The following TTN variants were observed in gnomAD, a reference collection of about 807,000 sequenced individuals.
TTN encodes the protein titin, also known as connectin.
In TTN, 1,525 loss-of-function variants were observed where a neutral mutation model predicts 3,223.0. The ratio of observed to expected loss-of-function variants is 0.47; its 90% CI spans 0.45 to 0.49. TTN has a LOEUF of 0.49. Among genes scored for constraint, TTN ranks in the 20% least tolerant of loss-of-function variants. The pLI is 0.00. For missense variants in TTN, 40,786 were observed against 43,424.0 expected, an observed-to-expected ratio of 0.94 and a Z score of 5.40; for synonymous variants, 14,094 against 15,161.0, an observed-to-expected ratio of 0.93 and a Z score of 5.17.
intron 9 of TTN, 112 bp downstream of exon 9, chr2:178,793,292 G>A: frequency 6.9e-7 from 1 of 1,452,188 alleles, no homozygotes; most frequent in East Asian, 2.3e-5. Flanking sequence ...GATCTTATTA[G>A]TATGCTAACA....
Position 178,794,915 on chromosome 2 carries a change from A to C in TTN, c.1245+7T>G, listed in dbSNP as rs1320907558. 6.2e-7 allele frequency: 1 copy of C among 1,600,792 alleles called. No homozygotes were observed. Among genetic ancestry groups the C allele is most frequent in the Non-Finnish European group, 8.5e-7 (1 of 1,179,920 alleles). ...AATAAGGAAAAACAAAACCATTCTGACAGTACCTCTTTAGCACCAGTGGCA... is the reference window on the plus strand; with the variant it reads ...AATAAGGAAAAACAAAACCATTCTGCCAGTACCTCTTTAGCACCAGTGGCA... On this transcript the variant is annotated splice_region_variant and intron_variant, in intron 7 of 362. Coordinates refer to ENST00000589042, the MANE Select transcript of TTN (RefSeq NM_001267550.2).
chr2:178,588,628 CA>C lies in TTN; in HGVS notation c.63096del (p.His21032GlnfsTer31). 6.3e-7 allele frequency: 1 copy of C among 1,597,936 alleles called. No individual in the cohort carries two copies. Among genetic ancestry groups the C allele is most frequent in the South Asian group, 1.1e-5 (1 of 87,518 alleles). On this transcript the variant is annotated frameshift_variant, in exon 304 of 363. Coordinates refer to ENST00000589042, the MANE Select transcript of TTN (RefSeq NM_001267550.2). LOFTEE classifies it high-confidence loss of function. ...RMKVQNLLPD[H>X]EYQFRVKAEN... is the part of the protein sequence containing the mutation. ...TCTGCCTTGACACGGAACTGATATT[CA>C]TGGTCTGGGAGGAGATTCTGTACTT...
In TTN at chr2:178,528,718, A is replaced by T. The variant is rs1558969484; in HGVS notation, c.107033T>A (p.Ile35678Lys). The T allele has an allele frequency of 2.5e-6, 4 of 1,613,606 alleles. No homozygotes were observed. The highest frequency in any genetic ancestry group is 3.4e-6 in the Non-Finnish European group (4 of 1,179,726). The change falls in exon 360 of 363, where the codon ATA becomes AAA. Residue 35678 changes from isoleucine (I) to lysine (K), a missense_variant. Ile to Lys is a moderately radical substitution (Grantham distance 102, BLOSUM62 -3). Coordinates refer to ENST00000589042, the MANE Select transcript of TTN (RefSeq NM_001267550.2). ...SHRDEGILTC[I>K]SKTKEGIVKC... Reference sequence around the variant, plus strand: ...GACGATTCCTTCCTTGGTTTTGCTTATGCAGGTGAGGATTCCTTCATCTCT... The same window carrying T: ...GACGATTCCTTCCTTGGTTTTGCTTTTGCAGGTGAGGATTCCTTCATCTCT...
At chr2:178,770,898 T>C (rs1252326191) in intron 34 of TTN, 3 of 812,620 alleles carry the variant, frequency 3.7e-6, no homozygotes, top group African/African-American at 1.7e-5. Flanking sequence ...GCTTTAGTAG[T>C]ATGAAGTTTG....
chr2:178,632,695 T>C lies in TTN; in HGVS notation c.43311A>G (p.Thr14437=). The change falls in exon 235 of 363, where the codon ACA becomes ACG. Residue 14437 remains threonine, a synonymous_variant. Coordinates refer to ENST00000589042, the MANE Select transcript of TTN (RefSeq NM_001267550.2). ...FECEVSREPK[T]FRWLKGTQEI... The stretch of plus-strand genomic sequence containing the variant: ...CCTGGGTTCCTTTTAGCCAACGGAA[T>C]GTTTTGGGCTCCCTGGATACTTCAC... The C allele has an allele frequency of 6.2e-7, 1 of 1,613,396 alleles. No individual in the cohort carries two copies. The highest frequency in any genetic ancestry group is 8.5e-7 in the Non-Finnish European group (1 of 1,179,540).
At position 178,532,610 on chromosome 2, in the gene TTN, C is replaced by T. The variant is rs1430662349; in HGVS notation, c.104005G>A (p.Asp34669Asn). ...SDEELLLPID[D>N]YLAMKRTEEE... ...TCTGTTCTTTTCATTGCTAAGTAGT[C>T]ATCAATGGGGAGGAGTAATTCTTCA... Residue 34669 changes from aspartate (D) to asparagine (N), a missense_variant, in exon 358 of 363, where the codon GAC (aspartate) becomes AAC (asparagine). Physicochemically the swap from Asp to Asn is conservative, Grantham distance 23. Transcript: ENST00000589042. The T allele has an allele frequency of 6.2e-6, 10 of 1,613,786 alleles. No individual in the cohort carries two copies. The highest frequency in any genetic ancestry group is 8.5e-6 in the Non-Finnish European group (10 of 1,179,854).
intron 1 of TTN, among the ~76,000 whole-genome samples, chr2:178,806,540 T>G (rs937879784): frequency 3.9e-5 from 6 of 152,222 alleles, no homozygotes; most frequent in Non-Finnish European, 2.9e-5. Context: ...AACAATTATA[T>G]CATTTTATTC....
At chr2:178,698,810 G>A (rs1577602708) in intron 112 of TTN, 33 bp downstream of exon 112, 1 of 1,527,484 alleles carries the variant, frequency 6.5e-7, no homozygotes, top group South Asian at 1.3e-5. Flanking sequence ...CAAGAAAAAA[G>A]TGTTAAGACT....
At chr2:178,725,734 T>C (rs1347968339) in intron 70 of TTN, 34 bp downstream of exon 70, 2 of 1,556,146 alleles carry the variant, frequency 1.3e-6, no homozygotes, top group Non-Finnish European at 1.7e-6. Context: ...TGCACATTTA[T>C]GACATTTCTG....
chr2:178,621,728 G>A lies in TTN; in HGVS notation c.45096C>T (p.Val15032=). ...CAATGTTGGCAAGATTTTTGGTAAA[G>A]ACAGCTTCTTCTTCTGCAAGCATTG... is the stretch of plus-strand genomic sequence containing the variant. ...GMLTVLEEEA[V]FTKNLANIEV... Residue 15032 remains valine (V), a synonymous_variant, in exon 245 of 363, where the codon GTC becomes GTT. Transcript: ENST00000589042. 6.2e-7 allele frequency: 1 copy of A among 1,611,150 alleles called. No individual in the cohort carries two copies. The highest frequency in any genetic ancestry group is 1.1e-5 in the South Asian group (1 of 90,788).
Position 178,702,052 on chromosome 2 carries a change from G to C in TTN, c.30526C>G (p.Leu10176Val). The C allele has an allele frequency of 6.2e-7, 1 of 1,610,660 alleles. No homozygotes were observed. The highest frequency in any genetic ancestry group is 1.7e-5 in the Admixed American group (1 of 59,622). Residue 10176 changes from leucine to valine, a missense_variant, in exon 109 of 363, where the codon CTG becomes GTG. By Grantham distance (32) the Leu-to-Val change is conservative. Transcript: ENST00000589042. ...YLTTKEIKLE[L>V]KPPDIPDSRV... Reference sequence around the variant, plus strand: ...CAAAACAACTTACCAGGAGGCTTCAGCTCAAGTTTGATTTCTGCAAAATAA... The same window carrying C: ...CAAAACAACTTACCAGGAGGCTTCACCTCAAGTTTGATTTCTGCAAAATAA...
In TTN at chr2:178,569,042, T is replaced by A. The variant is rs764509751; in HGVS notation, c.77090A>T (p.Glu25697Val). The change falls in exon 326 of 363, where the codon GAA (glutamate) becomes GTA (valine). Residue 25697 changes from glutamate to valine, a missense_variant. Glu to Val is a moderately radical substitution (Grantham distance 121). Coordinates refer to ENST00000589042, the MANE Select transcript of TTN (RefSeq NM_001267550.2). Reference protein sequence around the residue: ...AQTADPIKVAEVPQPPGKITV... With the variant: ...AQTADPIKVAVVPQPPGKITV... ...TATTTTTCCAGGAGGTTGTGGCACT[T>A]CTGCAACCTTAATTGGATCAGCAGT... 3 of 1,613,196 alleles carry A rather than the reference T, an allele frequency of 1.9e-6. No individual in the cohort carries two copies. Among genetic ancestry groups the A allele is most frequent in the Non-Finnish European group, 1.7e-6 (2 of 1,179,528 alleles).
chr2:178,576,215 A>G lies in TTN; in HGVS notation c.69917T>C (p.Leu23306Pro). Reference protein sequence around the residue: ...LRITQFVVPDLQTKEKYNFRI... With the variant: ...LRITQFVVPDPQTKEKYNFRI... ...GAAGTTGTATTTTTCTTTAGTCTGA[A>G]GATCAGGAACAACGAACTGAGTGAT... Residue 23306 changes from leucine (L) to proline (P), a missense_variant, in exon 326 of 363, where the codon CTT (leucine) becomes CCT (proline). Physicochemically the swap from Leu to Pro is moderately conservative, Grantham distance 98. Coordinates refer to ENST00000589042, the MANE Select transcript of TTN (RefSeq NM_001267550.2). This position sits in a 1 kb window ranked among gnomAD's most constrained non-coding sequence, Gnocchi z 4.3. The G allele has an allele frequency of 6.2e-7, 1 of 1,613,082 alleles. No homozygotes were observed. Among genetic ancestry groups the G allele is most frequent in the Non-Finnish European group, 8.5e-7 (1 of 1,179,450 alleles).
chr2:178,694,750 A>T (rs2073275445), intron 116 of TTN, 74 bp from the exon 117 acceptor site: 3 of 1,489,444 alleles, frequency 2.0e-6, no homozygotes, highest in African/African-American at 2.8e-5. Context: ...GTATTTGATT[A>T]TATAAATAAC....
rs374879942 is a variant in TTN at position 178,719,567 on chromosome 2, G to A, written c.23925C>T (p.Ser7975=). 49 of 1,607,128 alleles carry A rather than the reference G, an allele frequency of 3.0e-5. No homozygotes were observed. In the African/African-American group the frequency reaches 3.9e-4, roughly 13 times the overall value. ...NSVGKSNCTV[S]VHVSDRIVPP... is the part of the protein sequence containing the mutation. ...CATTCTACTCACCAGAAACATGGAC[G>A]GATACAGTGCAGTTACTTTTGCCAA... is the stretch of plus-strand genomic sequence containing the variant. The change falls in exon 82 of 363, where the codon TCC becomes TCT. Residue 7975 remains serine (S), a synonymous_variant. Coordinates refer to ENST00000589042, the MANE Select transcript of TTN (RefSeq NM_001267550.2).
chr2:178,555,327 C>T (rs1700959093), intron 330 of TTN, 175 bp from the exon 331 acceptor site: 2 of 618,304 alleles, frequency 3.2e-6, no homozygotes, highest in Non-Finnish European at 5.3e-6. Context: ...ACTCTTCTAT[C>T]TCAGATGGGG....
Position 178,605,080 on chromosome 2 carries a change from G to A in TTN, c.54097C>T (p.Pro18033Ser), listed in dbSNP as rs2054465796. The A allele has an allele frequency of 6.2e-7, 1 of 1,612,604 alleles. No homozygotes were observed. Among genetic ancestry groups the A allele is most frequent in the African/African-American group, 1.3e-5 (1 of 74,816 alleles). Residue 18033 changes from proline to serine, a missense_variant, in exon 280 of 363, where the codon CCC becomes TCC. Physicochemically the swap from Pro to Ser is moderately conservative, Grantham distance 74. Coordinates refer to ENST00000589042, the MANE Select transcript of TTN (RefSeq NM_001267550.2). ...RSEAKTELSI[P>S]KAVREDKGTY... is the part of the protein sequence containing the mutation. Reference sequence around the variant, plus strand: ...CCTTTGTCCTCCCGGACCGCTTTGGGAATGCTAAGCTCAGTTTTTGCCTCA... The same window carrying A: ...CCTTTGTCCTCCCGGACCGCTTTGGAAATGCTAAGCTCAGTTTTTGCCTCA...
chr2:178,690,188 G>A (rs2072016378), intron 121 of TTN, among the ~76,000 whole-genome samples: 1 of 152,122 alleles, frequency 6.6e-6, no homozygotes, highest in Non-Finnish European at 1.5e-5. Flanking sequence ...AATTAGTGAT[G>A]ACACAAACAA....
In TTN at chr2:178,547,162, A is replaced by C; in HGVS notation, c.94363T>G (p.Trp31455Gly). ...CATGGCACTTTGTTTTCTTTCACCC[A>C]AAGAATTGTATTACGTTCTTTCTTC... is the stretch of plus-strand genomic sequence containing the variant. Reference protein sequence around the residue: ...VEKKERNTILWVKENKVPCLE... With the variant: ...VEKKERNTILGVKENKVPCLE... The change falls in exon 340 of 363, where the codon TGG becomes GGG. Residue 31455 changes from tryptophan to glycine, a missense_variant. By Grantham distance (184) the Trp-to-Gly change is radical (BLOSUM62 -2). Transcript: ENST00000589042. The C allele has an allele frequency of 6.2e-7, 1 of 1,613,824 alleles. No individual in the cohort carries two copies. Among genetic ancestry groups the C allele is most frequent in the Non-Finnish European group, 8.5e-7 (1 of 1,179,796 alleles).
Sources: allele counts gnomAD v4.1 joint callset (sites outside exome capture counted in the v4.1 genomes callset), GRCh38; gene constraint gnomAD v4.1.1; non-coding constraint Gnocchi (gnomAD v3.1); transcripts MANE v1.5; gene names NCBI Gene and HGNC (gene_info 2026-07-23, HGNC 2026-07-21).